Variants in RUNX1T1 observed in about 807,000 individuals in gnomAD.
RUNX1T1 encodes RUNX1 partner transcriptional co-repressor 1.
Under a neutral mutation model 62.8 loss-of-function variants are expected in RUNX1T1, and 4 were observed. The ratio of observed to expected loss-of-function variants is 0.06; its 90% confidence interval spans 0.03 to 0.15. The LOEUF (loss-of-function observed/expected upper bound fraction) is 0.15, where lower values mean the gene tolerates loss of function less well. Ranked by LOEUF, RUNX1T1 falls within the 10% of genes least tolerant of loss-of-function variation. The pLI, the probability that RUNX1T1 is intolerant of heterozygous loss-of-function variation, is 1.00. For synonymous variants in RUNX1T1, 291 were observed against 286.0 expected (o/e 1.02, Z -0.18); for missense variants, 508 against 754.3 (o/e 0.67, Z 3.82).
At chr8:91,989,256 T>A (rs1421049122) in intron 6 of RUNX1T1, among the ~76,000 whole-genome samples, 1 of 152,208 alleles carries the variant, frequency 6.6e-6, no homozygotes, top group Non-Finnish European at 1.5e-5. Context: ...AGACTAAGTA[T>A]ATCTTTATGA....
At chr8:92,045,102 TAC>T (rs1213964665) in intron 1 of RUNX1T1, among the ~76,000 whole-genome samples, 2 of 150,954 alleles carry the variant, frequency 1.3e-5, no homozygotes, top group African/African-American at 4.9e-5. Flanking sequence ...ATATATATTA[TAC>T]ATATATTTTA....
chr8:91,991,601 C>G, intron 6 of RUNX1T1, 38 bp downstream of exon 7: 1 of 1,584,586 alleles, frequency 6.3e-7, no homozygotes, highest in Non-Finnish European at 8.6e-7. Flanking sequence ...CTTCAAGCAC[C>G]CAATCCCGTA....
At chr8:92,009,350 T>C (rs376687544) in intron 4 of RUNX1T1, among the ~76,000 whole-genome samples, 1 of 152,192 alleles carries the variant, frequency 6.6e-6, no homozygotes, top group African/African-American at 2.4e-5. Context: ...AGTGTTTGAA[T>C]GCACTTATTA....
At chr8:91,996,756 C>T (rs1818771961) in intron 5 of RUNX1T1, among the ~76,000 whole-genome samples, 1 of 151,808 alleles carries the variant, frequency 6.6e-6, no homozygotes, top group African/African-American at 2.4e-5. Context: ...CTATCTCAGG[C>T]TCTTTTTTTT....
intron 6 of RUNX1T1, among the ~76,000 whole-genome samples, chr8:91,987,301 A>C (rs975291138): frequency 3.3e-5 from 5 of 152,180 alleles, no homozygotes; most frequent in Non-Finnish European, 4.4e-5. Flanking sequence ...TAATAAATAC[A>C]AGAAACCACA....
intron 1 of RUNX1T1, among the ~76,000 whole-genome samples, chr8:92,082,246 T>C (rs1363703090): frequency 6.6e-6 from 1 of 152,212 alleles, no homozygotes; most frequent in Admixed American, 6.5e-5. Context: ...AAGGTTTTGA[T>C]AGTTTTCCAT....
intron 2 of RUNX1T1, among the ~76,000 whole-genome samples, chr8:92,017,024 A>G (rs1009632226): frequency 1.3e-5 from 2 of 152,222 alleles, no homozygotes; most frequent in African/African-American, 4.8e-5. Flanking sequence ...GAAGGCAAAT[A>G]TTGGCAGTCA....
exon 1 of RUNX1T1, chr8:92,062,743 C>T: frequency 6.4e-7 from 1 of 1,565,730 alleles, no homozygotes; most frequent in Non-Finnish European, 8.6e-7. Flanking sequence ...AGCTGACACT[C>T]CGGATTGCAC....
chr8:92,000,066 G>A (rs1461746516), intron 5 of RUNX1T1, among the ~76,000 whole-genome samples: 17 of 152,136 alleles, frequency 1.1e-4, no homozygotes, highest in Admixed American at 7.2e-4. Context: ...AGCACTTTGG[G>A]AGGCCGAGAT....
intron 10 of RUNX1T1, among the ~76,000 whole-genome samples, chr8:91,969,622 G>T (rs531734835): frequency 6.6e-6 from 1 of 152,292 alleles, no homozygotes; most frequent in East Asian, 1.9e-4. Context: ...CTTTTCCTGA[G>T]AAACTTTCAA....
intron 1 of RUNX1T1, chr8:92,017,648 CA>C: frequency 1.6e-6 from 2 of 1,284,836 alleles, no homozygotes; most frequent in Non-Finnish European, 2.0e-6. Flanking sequence ...TGCAGCAGCA[CA>C]ACTGCACTGG....
At chr8:92,082,047 G>A (rs919512944) in intron 1 of RUNX1T1, among the ~76,000 whole-genome samples, 3 of 151,922 alleles carry the variant, frequency 2.0e-5, no homozygotes, top group African/African-American at 7.3e-5. Flanking sequence ...CACCACGCCC[G>A]GCTAATTTTT....
At chr8:92,081,352 G>A (rs1404681336) in intron 1 of RUNX1T1, 3 of 465,180 alleles carry the variant, frequency 6.4e-6, no homozygotes, top group East Asian at 3.1e-4. Context: ...TGAAAGCAAA[G>A]GTCACTACTC....
chr8:92,011,673 T>A (rs947466219), intron 3 of RUNX1T1, among the ~76,000 whole-genome samples: 7 of 152,146 alleles, frequency 4.6e-5, no homozygotes, highest in African/African-American at 1.7e-4. Flanking sequence ...CTTCTGTGAG[T>A]CAATGAGTTT....
intron 1 of RUNX1T1, among the ~76,000 whole-genome samples, chr8:92,038,996 C>T (rs2131377493): frequency 6.6e-6 from 1 of 152,260 alleles, no homozygotes; most frequent in Non-Finnish European, 1.5e-5. Context: ...GGCACATCCT[C>T]CATTCTCCCA....
At chr8:92,095,657 G>A in intron 1 of RUNX1T1, 1 of 1,159,562 alleles carries the variant, frequency 8.6e-7, no homozygotes, top group South Asian at 2.0e-5. Flanking sequence ...CAGGAGGGAA[G>A]GAGAGACACA....
chr8:92,079,902 C>T, intron 1 of RUNX1T1, among the ~76,000 whole-genome samples: 1 of 152,136 alleles, frequency 6.6e-6, no homozygotes, highest in East Asian at 1.9e-4. Context: ...CTTCCTCAAC[C>T]CTCAGGCTTT....
At chr8:92,083,902 T>C (rs1284686014) in intron 1 of RUNX1T1, among the ~76,000 whole-genome samples, 1 of 152,196 alleles carries the variant, frequency 6.6e-6, no homozygotes, top group Non-Finnish European at 1.5e-5. Flanking sequence ...ATATCCACCA[T>C]GGAATACTAC....
intron 6 of RUNX1T1, among the ~76,000 whole-genome samples, chr8:91,988,195 T>C (rs73697001): frequency 1.6e-3 from 247 of 152,242 alleles, no homozygotes; most frequent in African/African-American, 5.7e-3. Context: ...GCCAACCACA[T>C]AAAACGATTT....
Sources: gnomAD v4.1 joint callset for allele counts (sites outside exome capture counted in the v4.1 genomes callset) on GRCh38, gnomAD v4.1.1 for gene constraint, MANE v1.5 for transcripts, NCBI Gene and HGNC (gene_info 2026-07-23, HGNC 2026-07-21) for gene names.